PMPCB: variants seen among roughly 807,000 people sequenced by gnomAD.
PMPCB encodes the protein peptidase, mitochondrial processing subunit beta.
A neutral mutation model predicts 61.5 loss-of-function variants in PMPCB; 46 were observed. The observed-to-expected ratio is 0.75, with a 90% CI of 0.59 to 0.96. The LOEUF (loss-of-function observed/expected upper bound fraction) is 0.96, where lower values mean the gene tolerates loss of function less well. Among genes scored for constraint, PMPCB ranks in the 40% least tolerant of loss-of-function variants. The pLI is 0.00. For synonymous variants in PMPCB, 191 were observed against 201.6 expected (o/e 0.95, Z 0.44); for missense variants, 590 against 602.4 (o/e 0.98, Z 0.22).
At chr7:103,307,754 T>C (rs1257203223) in intron 7 of PMPCB, 46 bp downstream of exon 7, 3 of 1,055,974 alleles carry the variant, frequency 2.8e-6, no homozygotes, top group Non-Finnish European at 4.4e-6. Flanking sequence ...GGATTCCTTG[T>C]GTTGTATTTA....
At position 103,312,898 on chromosome 7, in the gene PMPCB, C is replaced by A; in HGVS notation, c.*627C>A. 6.3e-7 allele frequency: 1 copy of A among 1,577,870 alleles called. No homozygotes were observed. Among genetic ancestry groups the A allele is most frequent in the Non-Finnish European group, 8.6e-7 (1 of 1,167,196 alleles). ...GACATAAAATATGAGCTATATCACC[C>A]AAGCTACAATTTAAAATACAACAAT... On this transcript the variant is annotated 3_prime_UTR_variant, in exon 13 of 13. Coordinates refer to ENST00000249269, the MANE Select transcript of PMPCB (RefSeq NM_004279.3).
chr7:103,315,743 G>T, downstream of PMPCB: 1 of 1,551,658 alleles, frequency 6.4e-7, no homozygotes, highest in Non-Finnish European at 8.9e-7. Flanking sequence ...CATTTTCTAC[G>T]TTTAGAAAAG....
chr7:103,309,249 A>C (rs1440422501), intron 8 of PMPCB, 154 bp downstream of exon 8: 1 of 574,806 alleles, frequency 1.7e-6, no homozygotes, highest in Admixed American at 4.2e-5. Flanking sequence ...CCTGGATTGC[A>C]TGTGGGCCAG....
the PMPCB span, among the ~76,000 whole-genome samples, chr7:103,338,944 G>C: frequency 1.3e-5 from 2 of 151,940 alleles, no homozygotes; most frequent in African/African-American, 4.8e-5. Context: ...ATTTAAAAAA[G>C]AGGTAAATGT....
downstream of PMPCB, among the ~76,000 whole-genome samples, chr7:103,318,358 T>A (rs1031606420): frequency 1.3e-5 from 2 of 152,154 alleles, no homozygotes; most frequent in East Asian, 3.9e-4. Flanking sequence ...AGAGATTTTG[T>A]TTATGTTGCC....
chr7:103,314,568 T>A lies in PMPCB; in HGVS notation c.*2297T>A. 3 of 985,366 alleles carry A rather than the reference T, an allele frequency of 3.0e-6. No individual in the cohort carries two copies. Among genetic ancestry groups the A allele is most frequent in the Non-Finnish European group, 3.6e-6 (3 of 829,898 alleles). 61.0% of individuals were successfully genotyped at this position (985,366 alleles called of 1,614,324 possible). On this transcript the variant is annotated 3_prime_UTR_variant, in exon 13 of 13. Transcript: ENST00000249269. ...ACTAGTGTGCTAATACCTGTTGTAT[T>A]TTGTGGAGATAAAGGTGCAGGAGAA...
rs770891746 is a variant in PMPCB, at chr7:103,303,911, G to A, written c.527G>A (p.Gly176Glu). Residue 176 changes from glycine to glutamate, a missense_variant, in exon 5 of 13, where the codon GGA becomes GAA. Coordinates refer to ENST00000249269, the MANE Select transcript of PMPCB (RefSeq NM_004279.3). ...GAAGCAGAGATTGAACGTGAGCGTG[G>A]AGTAATCCTTAGAGAGATGCAGGAA... ...LGEAEIERER[G>E]VILREMQEVE... 1 of 1,613,788 alleles carries A rather than the reference G, an allele frequency of 6.2e-7. No homozygotes were observed. The highest frequency in any genetic ancestry group is 1.1e-5 in the South Asian group (1 of 91,056).
At chr7:103,309,282 C>A in intron 8 of PMPCB, 187 bp downstream of exon 8, 1 of 451,582 alleles carries the variant, frequency 2.2e-6, no homozygotes, top group Non-Finnish European at 3.7e-6. Flanking sequence ...TTTTTCTTTG[C>A]CACAAAGTTT....
At chr7:103,341,904 C>G in the PMPCB span, 5 of 1,612,098 alleles carry the variant, frequency 3.1e-6, no homozygotes, top group Non-Finnish European at 4.2e-6. Flanking sequence ...CTCCTCTTAA[C>G]AAAAGCTTCA....
At chr7:103,332,260 C>T (rs62482399), downstream of PMPCB, among the ~76,000 whole-genome samples, 9,926 of 152,250 alleles carry the variant, frequency 0.065, 395 homozygotes, top group South Asian at 0.13. Flanking sequence ...CCGCCTTGGC[C>T]TCCCAAAGTG....
At chr7:103,315,798 T>C, downstream of PMPCB, 2 of 1,613,898 alleles carry the variant, frequency 1.2e-6, no homozygotes, top group South Asian at 2.2e-5. Flanking sequence ...CGTTGTCTGC[T>C]TGAGGTACCA....
intron 6 of PMPCB, among the ~76,000 whole-genome samples, chr7:103,306,090 A>T (rs552227596): frequency 1.3e-5 from 2 of 152,318 alleles, no homozygotes; most frequent in South Asian, 4.1e-4. Context: ...AAATTCAATG[A>T]AATAGGCCAG....
Position 103,312,263 on chromosome 7 carries a change from C to T in PMPCB, c.1462C>T (p.Arg488Cys), listed in dbSNP as rs151236121. ...KQIRSNMCWLRD is the reference protein window; with the variant it reads ...KQIRSNMCWLCD ...GATACGCAGTAACATGTGTTGGCTT[C>T]GTGATTAAAATGCTCCTAATCAAGA... Residue 488 changes from arginine (R) to cysteine (C), a missense_variant, in exon 13 of 13, where the codon CGT becomes TGT. Coordinates refer to ENST00000249269, the MANE Select transcript of PMPCB (RefSeq NM_004279.3). The T allele has an allele frequency of 1.8e-4, 285 of 1,610,738 alleles. No individual in the cohort carries two copies. In the African/African-American group the frequency reaches 3.2e-3, roughly 18 times the overall value.
chr7:103,297,722 T>A (rs1285860826), intron 1 of PMPCB, 164 bp downstream of exon 1: 1 of 1,534,238 alleles, frequency 6.5e-7, no homozygotes, highest in Admixed American at 2.0e-5. Flanking sequence ...TGGCCGGGGG[T>A]GACTGGCTTG....
At chr7:103,344,714 G>A in the PMPCB span, 8 of 1,364,058 alleles carry the variant, frequency 5.9e-6, no homozygotes, top group African/African-American at 5.7e-5. Flanking sequence ...CTCACTCCGA[G>A]CCTCGCGCCT....
At chr7:103,301,709 C>T (rs1413121918) in intron 4 of PMPCB, among the ~76,000 whole-genome samples, 1 of 152,072 alleles carries the variant, frequency 6.6e-6, no homozygotes, top group Non-Finnish European at 1.5e-5. Context: ...CACCCTTCAC[C>T]CTGGGTGTGA....
chr7:103,312,743 G>A lies in PMPCB; in HGVS notation c.*472G>A. ...AGAATTCAAGCAACTAAGATAGATA[G>A]TACTAAATATACTGATTTCATTATC... On this transcript the variant is annotated 3_prime_UTR_variant, in exon 13 of 13. Coordinates refer to ENST00000249269, the MANE Select transcript of PMPCB (RefSeq NM_004279.3). 2 of 1,549,578 alleles carry A rather than the reference G, an allele frequency of 1.3e-6. No homozygotes were observed. The highest frequency in any genetic ancestry group is 1.7e-6 in the Non-Finnish European group (2 of 1,156,694).
chr7:103,312,874 A>G lies in PMPCB; in HGVS notation c.*603A>G. 1 of 1,553,798 alleles carries G rather than the reference A, an allele frequency of 6.4e-7. No homozygotes were observed. The highest frequency in any genetic ancestry group is 8.6e-7 in the Non-Finnish European group (1 of 1,156,554). ...CACTATATTATTAACCACTTAATAG[A>G]CATAAAATATGAGCTATATCACCCA... On this transcript the variant is annotated 3_prime_UTR_variant, in exon 13 of 13. Transcript: ENST00000249269.
chr7:103,321,835 G>C (rs1042787668), intron 12 of PMPCB: 2 of 1,399,870 alleles, frequency 1.4e-6, no homozygotes, highest in Non-Finnish European at 2.0e-6. Flanking sequence ...GCGACAGAGC[G>C]AGACCCCATC....
Sources: allele counts gnomAD v4.1 joint callset (sites outside exome capture counted in the v4.1 genomes callset), GRCh38; gene constraint gnomAD v4.1.1; transcripts MANE v1.5; gene names NCBI Gene and HGNC (gene_info 2026-07-23, HGNC 2026-07-21).